Variants in TXNDC16 observed in about 807,000 individuals in gnomAD.
TXNDC16 encodes the protein thioredoxin domain-containing protein 16.
Under a neutral mutation model 85.6 loss-of-function variants are expected in TXNDC16, and 74 were observed. The observed-to-expected ratio is 0.86, with a 90% CI of 0.72 to 1.05. TXNDC16 has a LOEUF of 1.05. TXNDC16 is among the 50% of genes least tolerant of loss of function. The pLI, the probability that TXNDC16 is intolerant of heterozygous loss-of-function variation, is 0.00. For missense variants in TXNDC16, 959 were observed against 947.0 expected (o/e 1.01, Z -0.17); for synonymous variants, 335 against 326.5 (o/e 1.03, Z -0.28).
At position 52,475,837 on chromosome 14, in the gene TXNDC16, C is replaced by T. The variant is rs185579085; in HGVS notation, c.1313-5157G>A. Among the ~76,000 whole-genome samples, 683 of 152,288 alleles carry T rather than the reference C, an allele frequency of 4.5e-3. 13 individuals are homozygous for T. Among genetic ancestry groups the T allele is most frequent in the Admixed American group, 0.039 (601 of 15,296 alleles). On this transcript the variant is annotated intron_variant, in intron 14 of 20. Coordinates refer to ENST00000281741, the MANE Select transcript of TXNDC16 (RefSeq NM_020784.3). Reference sequence around the variant, plus strand: ...CAATGCACTTTCAAGCCAATGCTCTCTTGAAAGTGCCATCTCCCAGCAGGA... The same window carrying T: ...CAATGCACTTTCAAGCCAATGCTCTTTTGAAAGTGCCATCTCCCAGCAGGA...
intron 6 of TXNDC16, among the ~76,000 whole-genome samples, chr14:52,528,816 A>G (rs2037398486): frequency 1.4e-5 from 2 of 146,420 alleles, no homozygotes; most frequent in South Asian, 4.3e-4. Flanking sequence ...ATACTGGTAT[A>G]TATATTATAC....
intron 12 of TXNDC16, among the ~76,000 whole-genome samples, chr14:52,487,634 T>C (rs1272088900): frequency 6.6e-6 from 1 of 152,224 alleles, no homozygotes; most frequent in East Asian, 1.9e-4. Flanking sequence ...CACTAGATTA[T>C]TCTAGCGAAG....
chr14:52,496,901 G>T (rs193016851), intron 9 of TXNDC16, among the ~76,000 whole-genome samples: 13,081 of 151,958 alleles, frequency 0.086, 615 homozygotes, highest in East Asian at 0.14. Context: ...GGGAACCACT[G>T]CACGCACCCT....
intron 9 of TXNDC16, among the ~76,000 whole-genome samples, chr14:52,492,083 C>T (rs183423796): frequency 1.4e-4 from 21 of 152,198 alleles, no homozygotes; most frequent in African/African-American, 4.8e-4. Flanking sequence ...TCCCTAGATT[C>T]CCCTCCCCAA....
intron 16 of TXNDC16, among the ~76,000 whole-genome samples, chr14:52,459,160 A>G (rs977237334): frequency 6.6e-6 from 1 of 152,252 alleles, no homozygotes; most frequent in South Asian, 2.1e-4. Flanking sequence ...TAGCAATATT[A>G]TTTTTTCTAC....
intron 20 of TXNDC16, among the ~76,000 whole-genome samples, chr14:52,435,797 C>A (rs547551713): frequency 4.2e-4 from 64 of 151,612 alleles, no homozygotes; most frequent in Middle Eastern, 3.4e-3. Flanking sequence ...CCTGTCTCTA[C>A]AAAAACAAAA....
intron 6 of TXNDC16, among the ~76,000 whole-genome samples, chr14:52,526,535 G>A (rs1416068375): frequency 6.6e-6 from 1 of 152,154 alleles, no homozygotes; most frequent in African/African-American, 2.4e-5. Flanking sequence ...GAAAAATGGA[G>A]AAGTCCCATT....
chr14:52,503,235 C>G (rs187741412), intron 9 of TXNDC16, among the ~76,000 whole-genome samples: 1 of 152,332 alleles, frequency 6.6e-6, no homozygotes, highest in Non-Finnish European at 1.5e-5. Context: ...AGCAGTGGTT[C>G]TCCCAGCACG....
intron 6 of TXNDC16, among the ~76,000 whole-genome samples, chr14:52,519,912 T>C (rs1010897215): frequency 7.9e-5 from 12 of 152,216 alleles, no homozygotes; most frequent in African/African-American, 2.7e-4. Context: ...GATTCCTTTA[T>C]AGTACTTATT....
intron 20 of TXNDC16, among the ~76,000 whole-genome samples, chr14:52,434,016 A>C (rs1036061644): frequency 6.6e-6 from 1 of 152,016 alleles, no homozygotes; most frequent in Non-Finnish European, 1.5e-5. Context: ...CCTTCTCTAC[A>C]AAAAATCAAA....
At chr14:52,473,192 G>GT (rs1329620119) in intron 14 of TXNDC16, among the ~76,000 whole-genome samples, 1 of 152,024 alleles carries the variant, frequency 6.6e-6, no homozygotes, top group Non-Finnish European at 1.5e-5. Flanking sequence ...AGAGGAAGCT[G>GT]TTTCTCTTTC....
At chr14:52,463,815 GA>G (rs769627908) in intron 16 of TXNDC16, among the ~76,000 whole-genome samples, 1 of 152,128 alleles carries the variant, frequency 6.6e-6, no homozygotes. Flanking sequence ...AATTTATATA[GA>G]AATGTTAATA....
intron 9 of TXNDC16, among the ~76,000 whole-genome samples, chr14:52,492,700 C>G (rs1219267068): frequency 6.6e-6 from 1 of 152,122 alleles, no homozygotes; most frequent in Non-Finnish European, 1.5e-5. Flanking sequence ...CCAGAAGGCA[C>G]TAAGAAATCC....
At chr14:52,437,622 A>G (rs868401650) in intron 20 of TXNDC16, among the ~76,000 whole-genome samples, 2 of 152,170 alleles carry the variant, frequency 1.3e-5, no homozygotes, top group Admixed American at 6.5e-5. Context: ...CAATGTAAAA[A>G]GATAACCCAC....
intron 20 of TXNDC16, among the ~76,000 whole-genome samples, chr14:52,438,727 A>G (rs2035092455): frequency 6.6e-6 from 1 of 152,200 alleles, no homozygotes; most frequent in African/African-American, 2.4e-5. Flanking sequence ...ATATAACAAT[A>G]ATGCACTATT....
chr14:52,503,464 G>A (rs2036712348), intron 9 of TXNDC16, among the ~76,000 whole-genome samples: 1 of 152,318 alleles, frequency 6.6e-6, no homozygotes, highest in East Asian at 1.9e-4. Context: ...GGCAAACAGG[G>A]TCTGGAGTGG....
intron 6 of TXNDC16, among the ~76,000 whole-genome samples, chr14:52,523,614 A>G (rs950954853): frequency 2.0e-5 from 3 of 152,228 alleles, no homozygotes; most frequent in Admixed American, 6.5e-5. Context: ...AAGTCTTTTA[A>G]TAAGTATTTC....
chr14:52,477,209 C>A (rs565095057), intron 14 of TXNDC16, among the ~76,000 whole-genome samples: 1 of 152,074 alleles, frequency 6.6e-6, no homozygotes, highest in Non-Finnish European at 1.5e-5. Flanking sequence ...GGAAACACAT[C>A]AAAAAAGAAC....
intron 18 of TXNDC16, among the ~76,000 whole-genome samples, chr14:52,452,284 C>T (rs1239168779): frequency 5.9e-5 from 9 of 152,084 alleles, no homozygotes; most frequent in Admixed American, 5.9e-4. Context: ...AATGCAAGCC[C>T]TATCAAAATA....
Sources: gnomAD v4.1 joint callset for allele counts (sites outside exome capture counted in the v4.1 genomes callset) on GRCh38, gnomAD v4.1.1 for gene constraint, MANE v1.5 for transcripts, NCBI Gene and HGNC (gene_info 2026-07-23, HGNC 2026-07-21) for gene names.